BCAS1: variants seen among roughly 807,000 people sequenced by gnomAD.
The protein encoded by BCAS1 is breast carcinoma-amplified sequence 1.
Under a neutral mutation model 65.4 loss-of-function variants are expected in BCAS1, and 46 were observed. The observed-to-expected ratio is 0.70, with a 90% confidence interval of 0.55 to 0.90. BCAS1 has a LOEUF of 0.90. Ranked by LOEUF, BCAS1 falls within the 40% of genes least tolerant of loss-of-function variation. The pLI, the probability that BCAS1 is intolerant of heterozygous loss-of-function variation, is 0.00. For missense variants in BCAS1, 793 were observed against 771.2 expected (o/e 1.03, Z -0.33); for synonymous variants, 298 against 293.5 (o/e 1.02, Z -0.16).
chr20:53,956,848 C>T (rs898824091), intron 11 of BCAS1, among the ~76,000 whole-genome samples: 1 of 152,058 alleles, frequency 6.6e-6, no homozygotes, highest in South Asian at 2.1e-4. Context: ...AAAAGGAACA[C>T]ATGTAGTTAT....
intron 3 of BCAS1, among the ~76,000 whole-genome samples, chr20:54,040,558 A>C (rs541534947): frequency 1.3e-5 from 2 of 151,428 alleles, no homozygotes; most frequent in Admixed American, 1.3e-4. Flanking sequence ...TTTTCTTTGG[A>C]GCAGATATAC....
intron 4 of BCAS1, among the ~76,000 whole-genome samples, chr20:54,022,701 T>G (rs370898148): frequency 2.6e-5 from 4 of 152,068 alleles, no homozygotes; most frequent in African/African-American, 7.2e-5. Context: ...CCTTGTTGGG[T>G]TTTTTTAACA....
intron 1 of BCAS1, among the ~76,000 whole-genome samples, chr20:54,067,625 C>T (rs115513217): frequency 6.0e-4 from 91 of 152,306 alleles, no homozygotes; most frequent in African/African-American, 2.1e-3. Flanking sequence ...TGGTCCATGT[C>T]GCCTCCTTGT....
chr20:54,058,649 G>A lies in BCAS1; in HGVS notation c.70C>T (p.Gln24Ter). 1 of 1,595,184 alleles carries A rather than the reference G, an allele frequency of 6.3e-7. No individual in the cohort carries two copies. ...CCCTGTAATGGTTACTACACTACCT[G>A]GTAAGTCTCTGCTTCTGGTTCATTC... is the stretch of plus-strand genomic sequence containing the variant. ...QENEPEAETY[Q>*]DNASALNGVP... The change falls in exon 2 of 13, where the codon CAG becomes TAG. Residue 24 changes from glutamine to a stop codon, truncating the protein, a stop_gained and splice_region_variant. Transcript: ENST00000688948. LOFTEE classifies it high-confidence loss of function.
chr20:53,990,700 C>A (rs2090734196), intron 7 of BCAS1, among the ~76,000 whole-genome samples: 1 of 151,886 alleles, frequency 6.6e-6, no homozygotes, highest in South Asian at 2.1e-4. Context: ...CAGAAATAAT[C>A]AAAAGAGAAA....
chr20:54,069,079 C>T (rs1454936058), intron 1 of BCAS1, among the ~76,000 whole-genome samples: 1 of 152,148 alleles, frequency 6.6e-6, no homozygotes, highest in Non-Finnish European at 1.5e-5. Flanking sequence ...GTTCCCCCAC[C>T]CTCACTTAAA....
Position 53,993,888 on chromosome 20 carries a change from A to G in BCAS1, c.927+1124T>C, listed in dbSNP as rs115202414. ...CAAATGTAGTCATGTCATTCAACCA[A>G]TCTTGGCTGTGATCATTGAAATAGG... is the stretch of plus-strand genomic sequence containing the variant. On this transcript the variant is annotated intron_variant, in intron 6 of 12. Transcript: ENST00000688948. 6.4e-3 allele frequency among the ~76,000 whole-genome samples: 973 copies of G among 152,288 alleles called. 11 individuals carry two copies. Among genetic ancestry groups the G allele is most frequent in the African/African-American group, 0.022 (908 of 41,554 alleles).
chr20:53,953,730 G>T (rs1358018644), intron 11 of BCAS1, 35 bp from the exon 12 acceptor site: 4 of 1,593,734 alleles, frequency 2.5e-6, no homozygotes, highest in Non-Finnish European at 3.4e-6. Context: ...ATTTTTAGTG[G>T]CTGCAGGACA....
At chr20:53,951,727 C>T (rs1318406742) in intron 12 of BCAS1, among the ~76,000 whole-genome samples, 1 of 152,220 alleles carries the variant, frequency 6.6e-6, no homozygotes, top group Non-Finnish European at 1.5e-5. Flanking sequence ...CAGCCTCACC[C>T]ACTTGGGTGA....
At chr20:53,964,191 T>G (rs1388417456) in intron 10 of BCAS1, among the ~76,000 whole-genome samples, 4 of 152,172 alleles carry the variant, frequency 2.6e-5, no homozygotes, top group Admixed American at 2.6e-4. Context: ...ATGATTCAAA[T>G]AAGTTGTTCT....
chr20:53,977,350 C>T (rs1600760643), intron 8 of BCAS1, among the ~76,000 whole-genome samples: 1 of 152,312 alleles, frequency 6.6e-6, no homozygotes, highest in South Asian at 2.1e-4. Flanking sequence ...CTGGTTAATA[C>T]CATGAACACG....
chr20:53,967,280 T>C (rs1397343114), intron 9 of BCAS1, among the ~76,000 whole-genome samples: 4 of 152,144 alleles, frequency 2.6e-5, no homozygotes, highest in African/African-American at 9.7e-5. Flanking sequence ...CACATTGACA[T>C]GGAAGTGGCA....
chr20:54,001,148 G>A (rs577488978), intron 4 of BCAS1, among the ~76,000 whole-genome samples: 5 of 152,232 alleles, frequency 3.3e-5, no homozygotes, highest in African/African-American at 1.2e-4. Flanking sequence ...TTTAGTTCTG[G>A]CTTTTAAGAT....
At position 54,034,556 on chromosome 20, in the gene BCAS1, C is replaced by T. The variant is rs191894620; in HGVS notation, c.143-5584G>A. ...CAATCGCCACAAAAAGAGTAAAATA[C>T]CTAGGAAAACAGCTAATTAGGGAGG... is the stretch of plus-strand genomic sequence containing the variant. On this transcript the variant is annotated intron_variant, in intron 3 of 12. Transcript: ENST00000688948. Among the ~76,000 whole-genome samples the T allele has an allele frequency of 5.8e-4, 88 of 151,140 alleles. 4 individuals are homozygous for T. The highest frequency in any genetic ancestry group is 7.0e-4 in the Non-Finnish European group (47 of 67,556).
rs77620004 is a variant in BCAS1 at position 54,033,593 on chromosome 20, T to C, written c.143-4621A>G. ...GGACATATACACCCTTCTAAGACTG[T>C]ACCAGGAAGAAATTGAATCCCTGAA... On this transcript the variant is annotated intron_variant, in intron 3 of 12. Transcript: ENST00000688948. 9.4e-3 allele frequency among the ~76,000 whole-genome samples: 1,418 copies of C among 151,092 alleles called. 64 individuals carry two copies. The highest frequency in any genetic ancestry group is 0.023 in the South Asian group (112 of 4,772).
intron 4 of BCAS1, among the ~76,000 whole-genome samples, chr20:54,021,136 A>C (rs1236254088): frequency 6.6e-6 from 1 of 152,122 alleles, no homozygotes; most frequent in Non-Finnish European, 1.5e-5. Flanking sequence ...GAAACTGAAA[A>C]TGCTGGCTGA....
At chr20:54,001,314 T>C (rs1306128411) in intron 4 of BCAS1, among the ~76,000 whole-genome samples, 1 of 152,216 alleles carries the variant, frequency 6.6e-6, no homozygotes, top group Non-Finnish European at 1.5e-5. Context: ...AATTTAGTTA[T>C]AGTTTAACTT....
chr20:53,945,017 G>A (rs768433227), intron 12 of BCAS1, 21 bp from the exon 13 acceptor site: 15 of 1,610,190 alleles, frequency 9.3e-6, no homozygotes, highest in South Asian at 3.3e-5. Flanking sequence ...ACAGAAAGAC[G>A]TGGCAGCCTA....
chr20:53,992,037 G>GCTTA (rs2090774117), intron 7 of BCAS1, among the ~76,000 whole-genome samples: 1 of 152,128 alleles, frequency 6.6e-6, no homozygotes, highest in South Asian at 2.1e-4. Flanking sequence ...CAGATTCAGA[G>GCTTA]CTTAATACAA....
Sources: allele counts gnomAD v4.1 joint callset (sites outside exome capture counted in the v4.1 genomes callset), GRCh38; gene constraint gnomAD v4.1.1; transcripts MANE v1.5; gene names NCBI Gene and HGNC (gene_info 2026-07-23, HGNC 2026-07-21).